ABCA4: variants seen among roughly 807,000 people sequenced by gnomAD.
ABCA4 encodes ATP binding cassette subfamily A member 4.
A neutral mutation model predicts 263.7 loss-of-function variants in ABCA4; 196 were observed. The ratio of observed to expected loss-of-function variants is 0.74; its 90% CI spans 0.66 to 0.84. The LOEUF is 0.84. Ranked by LOEUF, ABCA4 falls within the 40% of genes least tolerant of loss-of-function variation. The probability of loss-of-function intolerance (pLI) is 0.00; values close to 1 mark genes in which losing one functional copy is unlikely to be tolerated. For missense variants in ABCA4, 2,792 were observed against 2,855.1 expected (o/e 0.98, Z 0.50); for synonymous variants, 1,133 against 1,094.2 (o/e 1.04, Z -0.70).
At chr1:94,061,743 C>T (rs958552790) in intron 13 of ABCA4, among the ~76,000 whole-genome samples, 2 of 152,230 alleles carry the variant, frequency 1.3e-5, no homozygotes, top group African/African-American at 4.8e-5. Flanking sequence ...CCCAGCTCTG[C>T]CTATTGTCCG....
In ABCA4 at chr1:94,010,010, C is replaced by A. The variant is rs147203415; in HGVS notation, c.5714+790G>T. ...AGTCCTGTGAGTAGAAAGGCAGATT[C>A]ATTTCCAATAAATCAATTCCCTGTG... On this transcript the variant is annotated intron_variant, in intron 40 of 49. Transcript: ENST00000370225. Among the ~76,000 whole-genome samples, 364 of 152,362 alleles carry A rather than the reference C, an allele frequency of 2.4e-3. 3 individuals carry two copies. Among genetic ancestry groups the A allele is most frequent in the African/African-American group, 8.3e-3 (344 of 41,584 alleles).
chr1:94,078,089 A>C (rs1283768894), intron 10 of ABCA4, among the ~76,000 whole-genome samples: 2 of 152,218 alleles, frequency 1.3e-5, no homozygotes, highest in Non-Finnish European at 2.9e-5. Context: ...AATAGAGGGA[A>C]GATGTGTAGG....
At chr1:94,044,088 CCCTTCTTTCCTTCCTT>C (rs1660601352) in intron 20 of ABCA4, among the ~76,000 whole-genome samples, 3 of 75,904 alleles carry the variant, frequency 4.0e-5, no homozygotes, top group African/African-American at 1.3e-4. Flanking sequence ...CTCCCTCCCT[CCCTTCTTTCCTTCCTT>C]CCTTCCTTCC....
chr1:94,074,173 A>G (rs1661477954), intron 11 of ABCA4, among the ~76,000 whole-genome samples: 4 of 152,324 alleles, frequency 2.6e-5, no homozygotes, highest in Admixed American at 2.6e-4. Flanking sequence ...AGACACATAG[A>G]CCAATGGAAC....
At chr1:94,096,529 G>A (rs534066367) in intron 6 of ABCA4, among the ~76,000 whole-genome samples, 6 of 152,254 alleles carry the variant, frequency 3.9e-5, no homozygotes, top group African/African-American at 9.6e-5. Flanking sequence ...CCCAGGACCC[G>A]TCTGAGGTCT....
Position 94,084,037 on chromosome 1 carries a change from C to A in ABCA4, c.769-596G>T, listed in dbSNP as rs143889679. 2.5e-3 allele frequency among the ~76,000 whole-genome samples: 387 copies of A among 152,334 alleles called. 2 individuals are homozygous for A. Among genetic ancestry groups the A allele is most frequent in the African/African-American group, 9.1e-3 (377 of 41,572 alleles). On this transcript the variant is annotated intron_variant, in intron 6 of 49. Transcript: ENST00000370225. ...CCAATTGCCAGCAGTGTTCAGGAAA[C>A]CCCAGCCCATGTGAACTCACCACTG...
At chr1:94,087,874 G>A (rs550585760) in intron 6 of ABCA4, among the ~76,000 whole-genome samples, 2 of 152,294 alleles carry the variant, frequency 1.3e-5, no homozygotes, top group South Asian at 2.1e-4. Context: ...CCTTCATGGG[G>A]TTTACCTCCA....
rs763881528 is a variant in ABCA4, at chr1:93,996,139, A to G, written c.6786T>C (p.Pro2262=). The G allele has an allele frequency of 1.8e-5, 29 of 1,613,932 alleles. No individual in the cohort carries two copies. The highest frequency in any genetic ancestry group is 8.5e-7 in the Non-Finnish European group (1 of 1,180,036). Residue 2262 remains proline, a synonymous_variant, in exon 49 of 50, where the codon CCT becomes CCC. Transcript: ENST00000370225. ...QTESHDLPLH[P]RAAGASRQAQ... ...CTTGTCGACTGGCTCCAGCAGCTCG[A>G]GGGTGCAGAGGGAGGTCATGACTTT... is the stretch of plus-strand genomic sequence containing the variant.
chr1:94,028,957 A>G (rs1660121707), intron 30 of ABCA4, among the ~76,000 whole-genome samples: 1 of 151,238 alleles, frequency 6.6e-6, no homozygotes, highest in Non-Finnish European at 1.5e-5. Flanking sequence ...GATAATATAC[A>G]GATATTAAAA....
chr1:94,003,934 A>C lies in ABCA4; in HGVS notation c.6147+1507T>G, dbSNP rs112327683. ...ATTACAGGTGTGAGCCACCATGCCC[A>C]GCCCCTTATTTTTTTTTTAAAAGCA... On this transcript the variant is annotated intron_variant, in intron 44 of 49. Transcript: ENST00000370225. Among the ~76,000 whole-genome samples, 950 of 151,560 alleles carry C rather than the reference A, an allele frequency of 6.3e-3. 11 individuals are homozygous for C. Among genetic ancestry groups the C allele is most frequent in the African/African-American group, 0.021 (879 of 41,398 alleles).
chr1:94,047,218 G>A (rs549928448), intron 18 of ABCA4, 125 bp from the exon 19 acceptor site: 26 of 1,048,620 alleles, frequency 2.5e-5, no homozygotes, highest in Admixed American at 5.5e-5. Context: ...GGCTATCACC[G>A]TTGCAAGGAA....
intron 30 of ABCA4, among the ~76,000 whole-genome samples, chr1:94,028,416 C>T (rs1395210042): frequency 6.6e-6 from 1 of 152,186 alleles, no homozygotes; most frequent in Non-Finnish European, 1.5e-5. Flanking sequence ...AATGTCCCTG[C>T]AAAAGATGGA....
chr1:94,098,742 G>C (rs1662202636), intron 6 of ABCA4, 52 bp downstream of exon 6: 1 of 1,598,304 alleles, frequency 6.3e-7, no homozygotes, highest in Non-Finnish European at 8.6e-7. Flanking sequence ...GTGAGGCTCT[G>C]CTACCCCAGG....
chr1:94,115,415 T>G (rs1012516096), intron 1 of ABCA4, among the ~76,000 whole-genome samples: 8 of 152,178 alleles, frequency 5.3e-5, no homozygotes, highest in African/African-American at 1.4e-4. Flanking sequence ...CTTTGGGGCT[T>G]GCTTAACCTC....
chr1:94,060,656 G>A lies in ABCA4; in HGVS notation c.2041C>T (p.Arg681Ter), dbSNP rs61749423. Residue 681 changes from arginine (R) to a stop codon, truncating the protein, a stop_gained, in exon 14 of 50, where the codon CGA (arginine) becomes TGA (stop). Transcript: ENST00000370225. LOFTEE classifies it high-confidence loss of function. ...TGATTTTTCAAGGTCTCCTTCAGTC[G>A]CAACTCCTTCTCCAAGACGATGCTC... Reference protein sequence around the residue: ...VKSIVLEKELRLKETLKNQGV... With the variant: ...VKSIVLEKEL 31 of 1,613,940 alleles carry A rather than the reference G, an allele frequency of 1.9e-5. No homozygotes were observed. Among genetic ancestry groups the A allele is most frequent in the East Asian group, 2.2e-5 (1 of 44,888 alleles).
chr1:94,111,302 G>T, intron 3 of ABCA4, 136 bp downstream of exon 3: 1 of 1,238,354 alleles, frequency 8.1e-7, no homozygotes, highest in Non-Finnish European at 1.1e-6. Context: ...AACCTGCTCT[G>T]CTCCTAAGAG....
In ABCA4 at chr1:94,023,414, T is replaced by G. The variant is rs1659954135; in HGVS notation, c.4639A>C (p.Lys1547Gln). The change falls in exon 32 of 50, where the codon AAG (lysine) becomes CAG (glutamine). Residue 1547 changes from lysine (K) to glutamine (Q), a missense_variant. Transcript: ENST00000370225. ...TYPALIRSSLKSKFWVNEQRY... is the reference protein window; with the variant it reads ...TYPALIRSSLQSKFWVNEQRY... ...TGTTCATTGACCCAGAATTTGCTCT[T>G]TAAGCTGAAAGCCAAAATAAAATAA... The G allele has an allele frequency of 6.2e-7, 1 of 1,609,504 alleles. No homozygotes were observed. Among genetic ancestry groups the G allele is most frequent in the Non-Finnish European group, 8.5e-7 (1 of 1,175,982 alleles).
At chr1:94,037,384 T>C in intron 24 of ABCA4, 34 bp from the exon 25 acceptor site, 1 of 1,601,956 alleles carries the variant, frequency 6.2e-7, no homozygotes, top group Non-Finnish European at 8.5e-7. Context: ...GCCAGCTCTG[T>C]TTTCCAGAAA....
chr1:94,051,414 C>T (rs1279322659), intron 17 of ABCA4, among the ~76,000 whole-genome samples: 1 of 152,172 alleles, frequency 6.6e-6, no homozygotes, highest in East Asian at 1.9e-4. Flanking sequence ...GGGCTTCATC[C>T]ATGATCAGCC....
Sources: gnomAD v4.1 joint callset for allele counts (sites outside exome capture counted in the v4.1 genomes callset) on GRCh38, gnomAD v4.1.1 for gene constraint, MANE v1.5 for transcripts, NCBI Gene and HGNC (gene_info 2026-07-23, HGNC 2026-07-21) for gene names.